The following FAP variants were observed in gnomAD, a reference collection of about 807,000 sequenced individuals.
FAP encodes prolyl endopeptidase FAP.
Under a neutral mutation model 126.5 loss-of-function variants are expected in FAP, and 110 were observed. That is an observed-to-expected ratio of 0.87 (90% CI 0.74 to 1.02). The LOEUF is 1.02. FAP is among the 50% of genes least tolerant of loss of function. FAP has a pLI of 0.00. For missense variants in FAP, 919 were observed against 909.2 expected (o/e 1.01, Z -0.14); for synonymous variants, 334 against 297.3 (o/e 1.12, Z -1.27).
chr2:162,235,837 C>G (rs1196884275), intron 2 of FAP, among the ~76,000 whole-genome samples: 1 of 152,182 alleles, frequency 6.6e-6, no homozygotes, highest in Non-Finnish European at 1.5e-5. Context: ...CTGTAACACT[C>G]ACTGTGAAGG....
At chr2:162,188,427 G>T in intron 19 of FAP, 64 bp from the exon 20 acceptor site, 1 of 1,379,960 alleles carries the variant, frequency 7.2e-7, no homozygotes, top group South Asian at 1.3e-5. Context: ...TTCCCATCCT[G>T]GCCAAGCATT....
intron 22 of FAP, among the ~76,000 whole-genome samples, chr2:162,174,060 A>G (rs1472408004): frequency 6.6e-6 from 1 of 152,124 alleles, no homozygotes; most frequent in East Asian, 1.9e-4. Flanking sequence ...AATATTTTTC[A>G]CTTCTACCCT....
chr2:162,223,389 T>A (rs148725663), intron 6 of FAP, among the ~76,000 whole-genome samples: 1 of 152,162 alleles, frequency 6.6e-6, no homozygotes, highest in South Asian at 2.1e-4. Flanking sequence ...ATATTGTGAA[T>A]AAAAATATAA....
intron 12 of FAP, among the ~76,000 whole-genome samples, chr2:162,204,263 G>A (rs1356983748): frequency 1.3e-5 from 2 of 152,144 alleles, no homozygotes; most frequent in Non-Finnish European, 2.9e-5. Flanking sequence ...ATGCCTTTTT[G>A]ATGCAACCGA....
In FAP at chr2:162,173,220, T is replaced by G. The variant is rs1195639608; in HGVS notation, c.2036A>C (p.Asn679Thr). The change falls in exon 24 of 26, where the codon AAT (asparagine) becomes ACT (threonine). Residue 679 changes from asparagine (N) to threonine (T), a missense_variant and splice_region_variant. Coordinates refer to ENST00000188790, the MANE Select transcript of FAP (RefSeq NM_004460.5). ...TKDDNLEHYK[N>T]STVMARAEYF... ...TTCTGCTCTTGCCATCACAGTTGAA[T>G]TCTGGAAAAGAGAAAAAAATTAACA... The G allele has an allele frequency of 6.2e-7, 1 of 1,612,408 alleles. No individual in the cohort carries two copies. Among genetic ancestry groups the G allele is most frequent in the Non-Finnish European group, 8.5e-7 (1 of 1,178,682 alleles).
intron 2 of FAP, among the ~76,000 whole-genome samples, chr2:162,230,979 C>A (rs1689876995): frequency 6.6e-6 from 1 of 152,144 alleles, no homozygotes; most frequent in African/African-American, 2.4e-5. Context: ...TTCCACATAA[C>A]TGAGTGTTGA....
At chr2:162,243,081 C>A in intron 1 of FAP, 89 bp from the exon 2 acceptor site, 1 of 1,059,008 alleles carries the variant, frequency 9.4e-7, no homozygotes, top group Non-Finnish European at 1.4e-6. Context: ...AATCCTTTTT[C>A]TCTCGCCCCA....
At chr2:162,196,319 T>A (rs779045246) in intron 16 of FAP, among the ~76,000 whole-genome samples, 12 of 152,178 alleles carry the variant, frequency 7.9e-5, no homozygotes, top group Non-Finnish European at 1.2e-4. Flanking sequence ...CTCAGAATTT[T>A]ATAGAATGTT....
intron 15 of FAP, among the ~76,000 whole-genome samples, chr2:162,200,234 A>C (rs563157230): frequency 2.0e-5 from 3 of 152,350 alleles, no homozygotes; most frequent in African/African-American, 7.2e-5. Context: ...TGCCTGGTTC[A>C]TACTAGGTAC....
chr2:162,180,479 A>G (rs1687658374), intron 21 of FAP, among the ~76,000 whole-genome samples: 1 of 152,162 alleles, frequency 6.6e-6, no homozygotes, highest in African/African-American at 2.4e-5. Context: ...CTGGTGTCTT[A>G]ACAAGCTCTC....
intron 16 of FAP, chr2:162,197,780 C>G (rs1471148000): frequency 1.1e-5 from 4 of 378,394 alleles, no homozygotes; most frequent in Non-Finnish European, 2.1e-5. Flanking sequence ...TCCATTTGTT[C>G]TTTAAGCCAC....
intron 2 of FAP, among the ~76,000 whole-genome samples, chr2:162,237,217 A>C (rs182789516): frequency 6.6e-6 from 1 of 152,240 alleles, no homozygotes; most frequent in Admixed American, 6.5e-5. Context: ...TGTATTAATT[A>C]TTGCAATTTT....
chr2:162,178,907 C>T (rs1259494224), intron 21 of FAP, among the ~76,000 whole-genome samples: 2 of 152,202 alleles, frequency 1.3e-5, no homozygotes, highest in African/African-American at 4.8e-5. Flanking sequence ...CAATTTCCCA[C>T]AGGTCCCTGC....
At chr2:162,221,644 T>C (rs1239009010) in intron 6 of FAP, 2 of 456,506 alleles carry the variant, frequency 4.4e-6, no homozygotes, top group African/African-American at 4.0e-5. Flanking sequence ...GAATTATCTA[T>C]GCAATCACAC....
At chr2:162,208,876 G>A (rs1032237471) in intron 12 of FAP, among the ~76,000 whole-genome samples, 2 of 149,884 alleles carry the variant, frequency 1.3e-5, no homozygotes, top group East Asian at 2.0e-4. Context: ...TGTTACCTCA[G>A]AGTGTAATTT....
chr2:162,171,179 A>G, intron 25 of FAP, 99 bp from the exon 26 acceptor site: 1 of 788,038 alleles, frequency 1.3e-6, no homozygotes, highest in South Asian at 1.6e-5. Flanking sequence ...TCTTTCTATT[A>G]TGGGGAAACT....
At chr2:162,171,244 G>C (rs1687295153) in intron 25 of FAP, 164 bp from the exon 26 acceptor site, 1 of 565,074 alleles carries the variant, frequency 1.8e-6, no homozygotes. Context: ...ATTTACAGCA[G>C]GAAGAGCTTT....
At chr2:162,197,509 T>G (rs1045086247) in intron 16 of FAP, 1 of 456,146 alleles carries the variant, frequency 2.2e-6, no homozygotes, top group Non-Finnish European at 4.4e-6. Context: ...AACAACAATC[T>G]CTTGACATTT....
Position 162,219,844 on chromosome 2 carries a change from A to T in FAP, c.486+9T>A. ...CATGATTAAACACTTCAAAAATTTA[A>T]ACACTTACTAATTTACTCCCAACAG... On this transcript the variant is annotated intron_variant, in intron 7 of 25. Transcript: ENST00000188790. 1.9e-6 allele frequency: 3 copies of T among 1,591,932 alleles called. No homozygotes were observed. The highest frequency in any genetic ancestry group is 2.6e-6 in the Non-Finnish European group (3 of 1,161,436).
Sources: gnomAD v4.1 joint callset for allele counts (sites outside exome capture counted in the v4.1 genomes callset) on GRCh38, gnomAD v4.1.1 for gene constraint, MANE v1.5 for transcripts, NCBI Gene and HGNC (gene_info 2026-07-23, HGNC 2026-07-21) for gene names.